The following PER2 variants were observed in gnomAD, a reference collection of about 807,000 sequenced individuals.
PER2 encodes period circadian protein homolog 2.
PER2 carries 66 observed loss-of-function variants against 121.0 expected under a neutral mutation model. The ratio of observed to expected loss-of-function variants is 0.55; its 90% CI spans 0.45 to 0.67. The LOEUF is 0.67. Ranked by LOEUF, PER2 falls within the 30% of genes least tolerant of loss-of-function variation. The probability of loss-of-function intolerance (pLI) is 0.00; values close to 1 mark genes in which losing one functional copy is unlikely to be tolerated. For synonymous variants in PER2, 684 were observed against 659.9 expected, an observed-to-expected ratio of 1.04 and a Z score of -0.56; for missense variants, 1,521 against 1,635.0, an observed-to-expected ratio of 0.93 and a Z score of 1.20.
upstream of PER2, among the ~76,000 whole-genome samples, chr2:238,291,782 C>A (rs1696954324): frequency 6.6e-6 from 1 of 152,248 alleles, no homozygotes; most frequent in Non-Finnish European, 1.5e-5. Context: ...GAGGTGACCT[C>A]AAGGGCGCGG....
chr2:238,264,411 T>C (rs926460854), intron 9 of PER2, among the ~76,000 whole-genome samples: 10 of 152,056 alleles, frequency 6.6e-5, no homozygotes, highest in Non-Finnish European at 1.3e-4. Flanking sequence ...TTTTTACCCA[T>C]AGAGCCTCCC....
chr2:238,297,223 C>T, the PER2 span, among the ~76,000 whole-genome samples: 1 of 152,262 alleles, frequency 6.6e-6, no homozygotes, highest in East Asian at 1.9e-4. Flanking sequence ...GGCGAGAGGA[C>T]CAGGAGAAAT....
At chr2:238,272,103 C>T (rs1696308349) in intron 5 of PER2, among the ~76,000 whole-genome samples, 2 of 152,258 alleles carry the variant, frequency 1.3e-5, no homozygotes. Context: ...GACTGCCAAG[C>T]TGCGTTTCAT....
intron 17 of PER2, among the ~76,000 whole-genome samples, chr2:238,256,431 A>G (rs1559325169): frequency 6.6e-6 from 1 of 152,296 alleles, no homozygotes; most frequent in East Asian, 1.9e-4. Flanking sequence ...CAAATTCAGG[A>G]TTCATTTTAA....
At chr2:238,267,814 G>A (rs1696155271) in intron 8 of PER2, among the ~76,000 whole-genome samples, 1 of 152,188 alleles carries the variant, frequency 6.6e-6, no homozygotes, top group East Asian at 1.9e-4. Flanking sequence ...CAGCACTGGT[G>A]TGGATAGGGG....
rs78832829 is a variant in PER2 at position 238,253,397 on chromosome 2, A to G, written c.2626T>C (p.Phe876Leu). The G allele has an allele frequency of 0.016, 25,175 of 1,611,034 alleles. 492 individuals are homozygous for G. The highest frequency in any genetic ancestry group is 0.075 in the South Asian group (6,787 of 90,898). ...AAPPAPPHAS[F>L]TVPAVPVDLQ... The stretch of plus-strand genomic sequence containing the variant: ...TCCACGGGCACAGCAGGCACTGTGA[A>G]GCTGGCGTGGGGAGGTGCCGGGGGT... The change falls in exon 19 of 23, where the codon TTC (phenylalanine) becomes CTC (leucine). Residue 876 changes from phenylalanine (F) to leucine (L), a missense_variant. Phe to Leu is a conservative substitution (Grantham distance 22). Coordinates refer to ENST00000254657, the MANE Select transcript of PER2 (RefSeq NM_022817.3). This position sits in a 1 kb window ranked among gnomAD's most constrained non-coding sequence, Gnocchi z 5.6.
intron 1 of PER2, among the ~76,000 whole-genome samples, chr2:238,287,372 T>A (rs1012324007): frequency 2.6e-5 from 4 of 152,140 alleles, no homozygotes; most frequent in South Asian, 4.1e-4. Flanking sequence ...TCAGGTAGAG[T>A]CCTGTTTTCT....
At chr2:238,264,976 A>C (rs1696049119) in intron 9 of PER2, among the ~76,000 whole-genome samples, 1 of 152,166 alleles carries the variant, frequency 6.6e-6, no homozygotes, top group African/African-American at 2.4e-5. Context: ...GCATTTGTGG[A>C]GGAGCTGGGA....
intron 1 of PER2, among the ~76,000 whole-genome samples, chr2:238,281,785 G>GT (rs1696639483): frequency 6.6e-6 from 1 of 152,186 alleles, no homozygotes; most frequent in Non-Finnish European, 1.5e-5. Context: ...TAGTAATAGG[G>GT]TATTTCTGGA....
Position 238,257,053 on chromosome 2 carries a change from G to C in PER2, c.1934C>G (p.Thr645Arg). Residue 645 changes from threonine (T) to arginine (R), a missense_variant, in exon 17 of 23, where the codon ACG (threonine) becomes AGG (arginine). Thr to Arg is a moderately conservative substitution (Grantham distance 71). Transcript: ENST00000254657. ...CGAGGTCAGGTGCGTACCTACTCCC[G>C]TGCGGCTGTTCACCCTGGAGGGCGG... ...AEPPSRVNSR[T>R]GVGTHLTSLA... 6.2e-7 allele frequency: 1 copy of C among 1,613,078 alleles called. No individual in the cohort carries two copies.
At position 238,246,366 on chromosome 2, in the gene PER2, G is replaced by C; in HGVS notation, c.*9C>G. On this transcript the variant is annotated 3_prime_UTR_variant, in exon 23 of 23. Coordinates refer to ENST00000254657, the MANE Select transcript of PER2 (RefSeq NM_022817.3). ...CCTCGCTGGCTGCCGGGCTGAGGTG[G>C]GGCAGGGGTTACGTCTGCTCTTCGA... is the stretch of plus-strand genomic sequence containing the variant. 1 of 1,594,214 alleles carries C rather than the reference G, an allele frequency of 6.3e-7. No homozygotes were observed. Among genetic ancestry groups the C allele is most frequent in the Non-Finnish European group, 8.6e-7 (1 of 1,167,420 alleles).
rs199558711 is a variant in PER2, at chr2:238,263,003, C to T, written c.1102G>A (p.Val368Met). The T allele has an allele frequency of 3.7e-6, 6 of 1,614,046 alleles. No homozygotes were observed. The highest frequency in any genetic ancestry group is 2.2e-5 in the East Asian group (1 of 44,878). Residue 368 changes from valine to methionine, a missense_variant, in exon 10 of 23, where the codon GTG (valine) becomes ATG (methionine). Transcript: ENST00000254657. The part of the protein sequence containing the change: ...PQDLIETPVL[V>M]QLHPSDRPLM... Reference sequence around the variant, plus strand: ...GGCCTGTCACTAGGGTGGAGCTGCACGAGCACTGGGGTTTCAATCAGGTCC... The same window carrying T: ...GGCCTGTCACTAGGGTGGAGCTGCATGAGCACTGGGGTTTCAATCAGGTCC...
rs755923122 is a variant in PER2 at position 238,258,332 on chromosome 2, G to A, written c.1844C>T (p.Ala615Val). The A allele has an allele frequency of 2.5e-5, 41 of 1,614,080 alleles. No homozygotes were observed. The African/African-American group carries it at 2.7e-4, about 11-fold the overall frequency. Reference sequence around the variant, plus strand: ...CTTCCGCTTATCACTGGACCTTAGCGCTGGGACGTTTGCTGGGAACTCGCA... The same window carrying A: ...CTTCCGCTTATCACTGGACCTTAGCACTGGGACGTTTGCTGGGAACTCGCA... ...RKCEFPANVPALRSSDKRKAT... is the reference protein window; with the variant it reads ...RKCEFPANVPVLRSSDKRKAT... The change falls in exon 16 of 23, where the codon GCG (alanine) becomes GTG (valine). Residue 615 changes from alanine to valine, a missense_variant. Ala to Val is a moderately conservative substitution (Grantham distance 64). Transcript: ENST00000254657.
chr2:238,277,818 C>T lies in PER2; in HGVS notation c.119G>A (p.Gly40Glu). ...GGAGCAGTTTTCGTTGGTCTCATGT[C>T]CACTGGAGCCACTGCTCATGTCCAC... Reference protein sequence around the residue: ...EDVDMSSGSSGHETNENCSTG... With the variant: ...EDVDMSSGSSEHETNENCSTG... The change falls in exon 2 of 23, where the codon GGA becomes GAA. Residue 40 changes from glycine (G) to glutamate (E), a missense_variant. Physicochemically the swap from Gly to Glu is moderately conservative, Grantham distance 98 (BLOSUM62 -2). Transcript: ENST00000254657. 1 of 1,614,216 alleles carries T rather than the reference C, an allele frequency of 6.2e-7. No homozygotes were observed.
chr2:238,281,433 C>G (rs1021214777), intron 1 of PER2, among the ~76,000 whole-genome samples: 5 of 152,154 alleles, frequency 3.3e-5, no homozygotes, highest in African/African-American at 1.2e-4. Context: ...ACCCAAAATG[C>G]CAGCATCATT....
rs147573126 is a variant in PER2, at chr2:238,279,039, G to C, written c.-19-1084C>G. On this transcript the variant is annotated intron_variant, in intron 1 of 22. Coordinates refer to ENST00000254657, the MANE Select transcript of PER2 (RefSeq NM_022817.3). ...CGATCATCCTGGACACAAACTGAGGGGGGGTGAACAGAGACAGGGAGTAGG... is the reference window on the plus strand; with the variant it reads ...CGATCATCCTGGACACAAACTGAGGCGGGGTGAACAGAGACAGGGAGTAGG... Among the ~76,000 whole-genome samples the C allele has an allele frequency of 2.5e-3, 378 of 152,254 alleles. 1 individual carries two copies. The highest frequency in any genetic ancestry group is 3.3e-3 in the Admixed American group (51 of 15,298).
chr2:238,280,877 C>T (rs184540598), intron 1 of PER2, among the ~76,000 whole-genome samples: 27 of 151,948 alleles, frequency 1.8e-4, no homozygotes, highest in African/African-American at 5.8e-4. Context: ...ACGGTATCTT[C>T]AAGGATAAAG....
chr2:238,281,761 T>C (rs1696638683), intron 1 of PER2, among the ~76,000 whole-genome samples: 1 of 152,208 alleles, frequency 6.6e-6, no homozygotes. Flanking sequence ...GAGTGGCTCT[T>C]GTGTGTGGTG....
intron 22 of PER2, 115 bp downstream of exon 22, chr2:238,248,947 G>T (rs753982664): frequency 2.5e-6 from 3 of 1,177,016 alleles, no homozygotes; most frequent in South Asian, 2.4e-5. Context: ...GAGCCACCGC[G>T]CCCGGCCTAA....
Sources: gnomAD v4.1 joint callset for allele counts (sites outside exome capture counted in the v4.1 genomes callset) on GRCh38, gnomAD v4.1.1 for gene constraint, Gnocchi (gnomAD v3.1) non-coding constraint, MANE v1.5 for transcripts, NCBI Gene and HGNC (gene_info 2026-07-23, HGNC 2026-07-21) for gene names.